Variants in CHM observed in about 807,000 individuals in gnomAD.
CHM encodes the protein rab proteins geranylgeranyltransferase component A 1.
A neutral mutation model predicts 49.0 loss-of-function variants in CHM; 10 were observed. That is an observed-to-expected ratio of 0.20 (90% CI 0.13 to 0.35). The LOEUF is 0.35. CHM is among the 10% of genes least tolerant of loss of function. The probability of loss-of-function intolerance (pLI) is 1.00; values close to 1 mark genes in which losing one functional copy is unlikely to be tolerated. For synonymous variants in CHM, 184 were observed against 167.5 expected (o/e 1.10, Z -0.76); for missense variants, 455 against 478.4 (o/e 0.95, Z 0.46).
chrX:85,955,409 G>A (rs1222613383), intron 8 of CHM, among the ~76,000 whole-genome samples: 1 of 111,140 alleles, frequency 9.0e-6, no homozygotes, highest in Non-Finnish European at 1.9e-5. Flanking sequence ...TTAAAAATGT[G>A]TAAAACAAAC....
rs1923474458 is a variant in CHM, at chrX:85,863,211, T to G, written c.*1419A>C. On this transcript the variant is annotated 3_prime_UTR_variant, in exon 15 of 15. Transcript: ENST00000357749. Reference sequence around the variant, plus strand: ...TGGTTCAAGTGAGTCTGCTACCTCATCTTCAAAGTAGCTGGGATTACAGGT... The same window carrying G: ...TGGTTCAAGTGAGTCTGCTACCTCAGCTTCAAAGTAGCTGGGATTACAGGT... 1.8e-5 allele frequency: 2 copies of G among 110,066 alleles called. No homozygotes were observed. The highest frequency in any genetic ancestry group is 8.0e-4 in the South Asian group (2 of 2,487). The allele number at this position is 110,066 out of a possible 1,213,427, so 9.1% of individuals were successfully genotyped here.
intron 2 of CHM, among the ~76,000 whole-genome samples, chrX:86,004,291 C>T (rs993987587): frequency 1.8e-5 from 2 of 111,945 alleles, no homozygotes; most frequent in Non-Finnish European, 1.9e-5. Flanking sequence ...ACAACCGGTA[C>T]CAGCCACTGC....
At chrX:85,938,163 T>A (rs1928896693) in intron 8 of CHM, among the ~76,000 whole-genome samples, 2 of 111,717 alleles carry the variant, frequency 1.8e-5, no homozygotes, top group South Asian at 7.4e-4. Flanking sequence ...TACCAATATA[T>A]CCATCCATCA....
At chrX:86,035,156 C>T (rs1438742615) in intron 1 of CHM, among the ~76,000 whole-genome samples, 4 of 111,872 alleles carry the variant, frequency 3.6e-5, no homozygotes, top group South Asian at 3.7e-4. Flanking sequence ...CAAAACAGTT[C>T]GAATAGTTTT....
At chrX:85,957,277 A>G (rs1337364957) in intron 7 of CHM, among the ~76,000 whole-genome samples, 1 of 111,835 alleles carries the variant, frequency 8.9e-6, no homozygotes, top group African/African-American at 3.2e-5. Flanking sequence ...GGCATATTCA[A>G]TTTTTAACAG....
Position 85,861,819 on chromosome X carries a change from A to C in CHM, c.*2811T>G, listed in dbSNP as rs895865634. On this transcript the variant is annotated 3_prime_UTR_variant, in exon 15 of 15. Transcript: ENST00000357749. ...CATAACTAAACAGTTTAAATACTTG[A>C]ATCAAAATTCTTTAATAGCATTTTC... The C allele has an allele frequency of 8.9e-6, 1 of 111,878 alleles. No individual in the cohort carries two copies. The highest frequency in any genetic ancestry group is 3.2e-5 in the African/African-American group (1 of 30,858). The allele number at this position is 111,878 out of a possible 1,213,427, so 9.2% of individuals were successfully genotyped here.
intron 14 of CHM, among the ~76,000 whole-genome samples, chrX:85,872,398 T>G (rs1270483944): frequency 8.9e-6 from 1 of 111,930 alleles, no homozygotes; most frequent in African/African-American, 3.2e-5. Flanking sequence ...CTTAATGGAA[T>G]CATGGCTCAC....
chrX:85,929,332 A>T (rs1207338826), intron 8 of CHM, among the ~76,000 whole-genome samples: 1 of 112,057 alleles, frequency 8.9e-6, no homozygotes, highest in Admixed American at 9.4e-5. Context: ...TACACACTCA[A>T]ATGCCACCCT....
At chrX:85,881,136 C>T (rs184491829) in intron 12 of CHM, among the ~76,000 whole-genome samples, 15 of 110,222 alleles carry the variant, frequency 1.4e-4, no homozygotes, top group Admixed American at 3.9e-4. Context: ...CTCACTGTCA[C>T]GGACAAACAT....
At chrX:85,907,950 G>A (rs1196582924) in intron 9 of CHM, among the ~76,000 whole-genome samples, 1 of 111,668 alleles carries the variant, frequency 9.0e-6, no homozygotes, top group Non-Finnish European at 1.9e-5. Context: ...GGATGTGACA[G>A]TGGGGAGTGG....
chrX:85,904,397 T>C (rs954391416), intron 9 of CHM, among the ~76,000 whole-genome samples: 7 of 111,551 alleles, frequency 6.3e-5, no homozygotes, highest in Non-Finnish European at 1.3e-4. Flanking sequence ...GGTTCAACGA[T>C]ATAAGTGTGT....
chrX:86,007,023 C>T (rs1394020071), intron 2 of CHM, among the ~76,000 whole-genome samples: 5 of 111,788 alleles, frequency 4.5e-5, no homozygotes, highest in African/African-American at 1.6e-4. Context: ...TACAAGGCTA[C>T]AGTAACCAAA....
At chrX:85,923,545 A>G (rs781699111) in intron 8 of CHM, among the ~76,000 whole-genome samples, 1 of 112,209 alleles carries the variant, frequency 8.9e-6, no homozygotes, top group South Asian at 3.7e-4. Context: ...GCTGATGGCA[A>G]CAAGCAACAA....
At chrX:85,971,255 G>T in intron 4 of CHM, 1 of 754,314 alleles carries the variant, frequency 1.3e-6, no homozygotes, top group Non-Finnish European at 1.6e-6. Flanking sequence ...GAATGCTATC[G>T]GTGTGTCCGG....
intron 8 of CHM, among the ~76,000 whole-genome samples, chrX:85,913,339 AG>A (rs1569411165): frequency 0.04 from 2,935 of 73,469 alleles, 396 homozygotes; most frequent in Non-Finnish European, 0.066. Context: ...AAAAAAAGAA[AG>A]AAAGAAAGAA....
chrX:85,981,432 C>T (rs1172529890), intron 3 of CHM, among the ~76,000 whole-genome samples: 1 of 108,982 alleles, frequency 9.2e-6, no homozygotes, highest in Non-Finnish European at 1.9e-5. Flanking sequence ...TGGGATTTCG[C>T]CATGTTGGCC....
At chrX:85,924,899 CA>C (rs1927998275) in intron 8 of CHM, among the ~76,000 whole-genome samples, 1 of 111,623 alleles carries the variant, frequency 9.0e-6, no homozygotes, top group South Asian at 3.7e-4. Context: ...AACTTGCTCC[CA>C]AAAAGTGCCT....
At chrX:85,988,561 C>T (rs751725920) in intron 2 of CHM, among the ~76,000 whole-genome samples, 6 of 111,371 alleles carry the variant, frequency 5.4e-5, no homozygotes, top group South Asian at 3.8e-4. Flanking sequence ...GAAGTCAAAC[C>T]GTCTTGGTTT....
chrX:85,892,015 T>G (rs372077807), intron 12 of CHM, among the ~76,000 whole-genome samples: 1 of 111,850 alleles, frequency 8.9e-6, no homozygotes, highest in Non-Finnish European at 1.9e-5. Context: ...CCGCTGGAAT[T>G]TGGACTTGCA....
Sources: allele counts gnomAD v4.1 joint callset (sites outside exome capture counted in the v4.1 genomes callset), GRCh38; gene constraint gnomAD v4.1.1; transcripts MANE v1.5; gene names NCBI Gene and HGNC (gene_info 2026-07-23, HGNC 2026-07-21).